The following PHLPP1 variants were observed in gnomAD, a reference collection of about 807,000 sequenced individuals.
PHLPP1 encodes the protein PH domain leucine-rich repeat-containing protein phosphatase 1.
Under a neutral mutation model 117.2 loss-of-function variants are expected in PHLPP1, and 42 were observed. The observed-to-expected ratio is 0.36, with a 90% CI of 0.28 to 0.46. The LOEUF (loss-of-function observed/expected upper bound fraction) is 0.46, where lower values mean the gene tolerates loss of function less well. PHLPP1 is among the 20% of genes least tolerant of loss of function. The pLI is 1.00. For synonymous variants in PHLPP1, 1,042 were observed against 970.7 expected, an observed-to-expected ratio of 1.07 and a Z score of -1.37; for missense variants, 2,084 against 2,241.9, an observed-to-expected ratio of 0.93 and a Z score of 1.42.
At chr18:62,810,555 CAAT>C (rs1270402409) in intron 1 of PHLPP1, among the ~76,000 whole-genome samples, 1 of 152,006 alleles carries the variant, frequency 6.6e-6, no homozygotes, top group Admixed American at 6.5e-5. Context: ...AGATTAACAA[CAAT>C]AACTAAGAAT....
chr18:62,769,196 TAGA>T (rs1183457659), intron 1 of PHLPP1, among the ~76,000 whole-genome samples: 1 of 152,230 alleles, frequency 6.6e-6, no homozygotes, highest in Non-Finnish European at 1.5e-5. Flanking sequence ...TTAGAAATTG[TAGA>T]TCAGAAATAT....
chr18:62,963,315 T>C (rs1376739711), intron 13 of PHLPP1, 53 bp from the exon 14 acceptor site: 9 of 1,192,652 alleles, frequency 7.5e-6, no homozygotes, highest in Non-Finnish European at 8.6e-6. Flanking sequence ...AGGTAGCAAT[T>C]TGCACACATT....
At chr18:62,741,597 C>CT (rs1433909390) in intron 1 of PHLPP1, among the ~76,000 whole-genome samples, 2 of 152,036 alleles carry the variant, frequency 1.3e-5, no homozygotes, top group Non-Finnish European at 2.9e-5. Flanking sequence ...GTGTGCCACT[C>CT]TTTAACAAGA....
Position 62,715,602 on chromosome 18 carries a change from G to T in PHLPP1, c.-82G>T. On this transcript the variant is annotated 5_prime_UTR_variant, in exon 1 of 17. Coordinates refer to ENST00000262719, the MANE Select transcript of PHLPP1 (RefSeq NM_194449.4). The stretch of plus-strand genomic sequence containing the variant: ...GCTTCTCCCTTCTCCGCGCGCCGCC[G>T]CCGTCTCCCACCTCCGCCTCATCGC... The T allele has an allele frequency of 2.1e-6, 2 of 931,058 alleles. No individual in the cohort carries two copies. Among genetic ancestry groups the T allele is most frequent in the Non-Finnish European group, 2.8e-6 (2 of 708,500 alleles). The allele number at this position is 931,058 out of a possible 1,614,324, so 57.7% of individuals were successfully genotyped here. A position where few individuals can be genotyped will look rare whatever the true frequency, so the allele number is the denominator to read the frequency against.
chr18:62,943,080 A>G (rs939476461), intron 11 of PHLPP1, among the ~76,000 whole-genome samples: 1 of 152,168 alleles, frequency 6.6e-6, no homozygotes, highest in Non-Finnish European at 1.5e-5. Context: ...CAGATGATGA[A>G]TGTCTAAACC....
chr18:62,773,381 T>G (rs1339739321), intron 1 of PHLPP1, among the ~76,000 whole-genome samples: 1 of 152,198 alleles, frequency 6.6e-6, no homozygotes, highest in Non-Finnish European at 1.5e-5. Context: ...CTTCATGATT[T>G]TTTTTGGAGC....
intron 4 of PHLPP1, among the ~76,000 whole-genome samples, chr18:62,880,223 A>G (rs1210635495): frequency 2.7e-5 from 4 of 150,198 alleles, no homozygotes; most frequent in Non-Finnish European, 5.9e-5. Flanking sequence ...TTTTTTCCCC[A>G]TTTAGCTGTG....
chr18:62,746,681 A>AT (rs35106832), intron 1 of PHLPP1, among the ~76,000 whole-genome samples: 11,597 of 145,542 alleles, frequency 0.08, 492 homozygotes, highest in Middle Eastern at 0.13. Context: ...TTCAGATGTG[A>AT]TTTTTTTTTT....
intron 4 of PHLPP1, among the ~76,000 whole-genome samples, chr18:62,873,912 C>T (rs569725855): frequency 3.9e-5 from 6 of 152,128 alleles, no homozygotes; most frequent in South Asian, 2.1e-4. Context: ...GGGCCGGATG[C>T]GGTGGCTCAC....
chr18:62,749,494 C>T (rs1294296799), intron 1 of PHLPP1, among the ~76,000 whole-genome samples: 1 of 152,212 alleles, frequency 6.6e-6, no homozygotes, highest in Non-Finnish European at 1.5e-5. Flanking sequence ...TATTATTCTG[C>T]TCAGGTTGTG....
chr18:62,875,775 G>A (rs935752149), intron 4 of PHLPP1, among the ~76,000 whole-genome samples: 4 of 150,994 alleles, frequency 2.6e-5, no homozygotes, highest in South Asian at 4.2e-4. Flanking sequence ...TCCTCCCCCC[G>A]AGGTTGGAGT....
chr18:62,857,317 C>T (rs1324221113), intron 3 of PHLPP1, among the ~76,000 whole-genome samples: 6 of 152,164 alleles, frequency 3.9e-5, no homozygotes, highest in Non-Finnish European at 8.8e-5. Context: ...ATGTGTCATG[C>T]TGCAGTTTGC....
chr18:62,865,093 G>A (rs1915738849), intron 4 of PHLPP1, among the ~76,000 whole-genome samples: 2 of 152,176 alleles, frequency 1.3e-5, no homozygotes, highest in Non-Finnish European at 2.9e-5. Flanking sequence ...GGAAACTGAG[G>A]CAGGAAGCTG....
In PHLPP1 at chr18:62,972,555, A is replaced by C; in HGVS notation, c.3602A>C (p.Asn1201Thr). 4 of 1,613,482 alleles carry C rather than the reference A, an allele frequency of 2.5e-6. No homozygotes were observed. Among genetic ancestry groups the C allele is most frequent in the Non-Finnish European group, 3.4e-6 (4 of 1,179,886 alleles). ...CTGTCGGTGAATAACTTCTGTGACAACCGCGAAGCCCTGTATGGTGTGTTT... is the reference window on the plus strand; with the variant it reads ...CTGTCGGTGAATAACTTCTGTGACACCCGCGAAGCCCTGTATGGTGTGTTT... ...AALSVNNFCD[N>T]REALYGVFDG... Residue 1201 changes from asparagine (N) to threonine (T), a missense_variant, in exon 15 of 17, where the codon AAC (asparagine) becomes ACC (threonine). Physicochemically the swap from Asn to Thr is moderately conservative, Grantham distance 65. This residue lies in a region of PHLPP1 where 1,365 missense variants were observed against 1,605.9 expected (regional missense o/e 0.85). Transcript: ENST00000262719.
intron 4 of PHLPP1, among the ~76,000 whole-genome samples, chr18:62,876,327 C>T (rs1916049230): frequency 6.6e-6 from 1 of 152,188 alleles, no homozygotes; most frequent in Non-Finnish European, 1.5e-5. Context: ...TGACCACCTG[C>T]CGAACCCAGG....
At chr18:62,817,893 T>TG (rs1914338690) in intron 1 of PHLPP1, among the ~76,000 whole-genome samples, 6 of 141,848 alleles carry the variant, frequency 4.2e-5, no homozygotes, top group African/African-American at 1.6e-4. Flanking sequence ...TCTTATTGTG[T>TG]CACCAGGCTG....
In PHLPP1 at chr18:62,796,789, A is replaced by C. The variant is rs114858923; in HGVS notation, c.1577-33246A>C. On this transcript the variant is annotated intron_variant, in intron 1 of 16. Coordinates refer to ENST00000262719, the MANE Select transcript of PHLPP1 (RefSeq NM_194449.4). ...GGAAAATTTGTTAAAAACATGAACAAAGTGCTGTTTTGGTCAGCCATCTGC... is the reference window on the plus strand; with the variant it reads ...GGAAAATTTGTTAAAAACATGAACACAGTGCTGTTTTGGTCAGCCATCTGC... Among the ~76,000 whole-genome samples the C allele has an allele frequency of 7.9e-3, 1,202 of 152,310 alleles. 20 individuals are homozygous for C. The highest frequency in any genetic ancestry group is 0.028 in the African/African-American group (1,150 of 41,592).
At chr18:62,785,218 A>ATG (rs772437879) in intron 1 of PHLPP1, among the ~76,000 whole-genome samples, 1 of 152,204 alleles carries the variant, frequency 6.6e-6, no homozygotes, top group African/African-American at 2.4e-5. Context: ...GCCAACAGTG[A>ATG]TGTCACAGTC....
In PHLPP1 at chr18:62,716,657, C is replaced by T; in HGVS notation, c.974C>T (p.Pro325Leu). ...RASPAPSDSS[P>L]GEPFVGGPVS... ...AGCCCAGCGCCCTCGGACTCCAGCC[C>T]CGGCGAGCCGTTCGTTGGGGGCCCT... Residue 325 changes from proline (P) to leucine (L), a missense_variant, in exon 1 of 17, where the codon CCC becomes CTC. By Grantham distance (98) the Pro-to-Leu change is moderately conservative (BLOSUM62 -3). Transcript: ENST00000262719. This position sits in a 1 kb window ranked among gnomAD's most constrained non-coding sequence, Gnocchi z 5.7. 1.4e-6 allele frequency: 2 copies of T among 1,433,624 alleles called. No homozygotes were observed. The highest frequency in any genetic ancestry group is 1.4e-5 in the South Asian group (1 of 71,694). The allele number at this position is 1,433,624 out of a possible 1,614,324, so 88.8% of individuals were successfully genotyped here.
Sources: gnomAD v4.1 joint callset for allele counts (sites outside exome capture counted in the v4.1 genomes callset) on GRCh38, gnomAD v4.1.1 for gene constraint, gnomAD v4.1.1 regional missense constraint, Gnocchi (gnomAD v3.1) non-coding constraint, MANE v1.5 for transcripts, NCBI Gene and HGNC (gene_info 2026-07-23, HGNC 2026-07-21) for gene names.